FMN1: variants seen among roughly 807,000 people sequenced by gnomAD.
FMN1 encodes the protein formin 1.
A neutral mutation model predicts 132.4 loss-of-function variants in FMN1; 110 were observed. That is an observed-to-expected ratio of 0.83 (90% CI 0.71 to 0.97). The LOEUF (loss-of-function observed/expected upper bound fraction) is 0.97. Among genes scored for constraint, FMN1 ranks in the 50% least tolerant of loss-of-function variants. The pLI is 0.00. For missense variants in FMN1, 1,792 were observed against 1,705.3 expected (o/e 1.05, Z -0.90); for synonymous variants, 722 against 651.7 (o/e 1.11, Z -1.64).
intron 16 of FMN1, among the ~76,000 whole-genome samples, chr15:32,871,677 G>A (rs2059520201): frequency 6.6e-6 from 1 of 152,146 alleles, no homozygotes; most frequent in Admixed American, 6.5e-5. Flanking sequence ...AGGTAAAAAG[G>A]AAAAACCTTT....
intron 3 of FMN1, among the ~76,000 whole-genome samples, chr15:33,164,315 T>C (rs932275454): frequency 6.6e-6 from 1 of 152,230 alleles, no homozygotes; most frequent in African/African-American, 2.4e-5. Flanking sequence ...ATGATTTGAC[T>C]GTGAGACCAC....
rs931199412 is a variant in FMN1 at position 33,150,291 on chromosome 15, G to T, written c.1867+2757C>A. 8 of 985,310 alleles carry T rather than the reference G, an allele frequency of 8.1e-6. No homozygotes were observed. The Admixed American group carries it at 2.5e-4, about 30-fold the overall frequency. 61.0% of individuals were successfully genotyped at this position (985,310 alleles called of 1,614,324 possible). ...GCACAACTAGAGTTCCTCAAGGTTT[G>T]GGGGAAGACCATACTCCACAAAGGC... On this transcript the variant is annotated intron_variant, in intron 4 of 20. Coordinates refer to ENST00000616417, the MANE Select transcript of FMN1 (RefSeq NM_001277313.2).
intron 4 of FMN1, among the ~76,000 whole-genome samples, chr15:33,141,960 A>G (rs527550531): frequency 7.9e-5 from 12 of 152,202 alleles, no homozygotes; most frequent in African/African-American, 2.9e-4. Flanking sequence ...CATACACTAT[A>G]CCAACTTGCT....
rs1966171833 is a variant in FMN1 at position 33,193,917 on chromosome 15, A to G, written c.-205T>C. On this transcript the variant is annotated 5_prime_UTR_variant, in exon 2 of 21. Coordinates refer to ENST00000616417, the MANE Select transcript of FMN1 (RefSeq NM_001277313.2). ...GATCCGTCAGCACTTACATGCCTTTAGAGAATCTGCCTTTACAGAACTTGA... is the reference window on the plus strand; with the variant it reads ...GATCCGTCAGCACTTACATGCCTTTGGAGAATCTGCCTTTACAGAACTTGA... 1.3e-5 allele frequency: 2 copies of G among 152,052 alleles called. No homozygotes were observed. Among genetic ancestry groups the G allele is most frequent in the East Asian group, 3.9e-4 (2 of 5,162 alleles). The allele number at this position is 152,052 out of a possible 1,614,324, so 9.4% of individuals were successfully genotyped here.
intron 7 of FMN1, among the ~76,000 whole-genome samples, chr15:32,990,411 A>C (rs2167154): frequency 0.024 from 3,695 of 152,224 alleles, 142 homozygotes; most frequent in African/African-American, 0.079. Context: ...CAAAGAAAGA[A>C]AGACAGATAG....
intron 7 of FMN1, among the ~76,000 whole-genome samples, chr15:33,004,345 A>G (rs1340475843): frequency 6.6e-6 from 1 of 152,224 alleles, no homozygotes; most frequent in East Asian, 1.9e-4. Flanking sequence ...ACAAATTTAC[A>G]AGAAAAAAAC....
rs537596814 is a variant in FMN1, at chr15:32,947,902, TTCA to T, written c.3138+16202_3138+16204del. Among the ~76,000 whole-genome samples, 176 of 152,186 alleles carry T rather than the reference TTCA, an allele frequency of 1.2e-3. 1 individual carries two copies. The highest frequency in any genetic ancestry group is 2.1e-3 in the Non-Finnish European group (145 of 67,908). On this transcript the variant is annotated intron_variant, in intron 9 of 20. Coordinates refer to ENST00000616417, the MANE Select transcript of FMN1 (RefSeq NM_001277313.2). Reference sequence around the variant, plus strand: ...GATTTTCTATGCTGAAAAATCACAATTCATCGTTTCATTTCTTCCTTTCCAATA... The same window carrying T: ...GATTTTCTATGCTGAAAAATCACAATTCGTTTCATTTCTTCCTTTCCAATA...
intron 4 of FMN1, among the ~76,000 whole-genome samples, chr15:33,124,503 G>A (rs1359931315): frequency 2.0e-5 from 3 of 151,362 alleles, no homozygotes; most frequent in Admixed American, 6.6e-5. Context: ...ACTGAGCATT[G>A]GGATTGCTTT....
intron 5 of FMN1, chr15:33,066,880 C>G (rs375315420): frequency 1.9e-6 from 3 of 1,613,944 alleles, no homozygotes; most frequent in Admixed American, 1.7e-5. Context: ...GAGTGGCCTT[C>G]GGATCAGTTG....
At chr15:33,082,967 T>C (rs2038544092) in intron 5 of FMN1, among the ~76,000 whole-genome samples, 1 of 152,144 alleles carries the variant, frequency 6.6e-6, no homozygotes, top group Non-Finnish European at 1.5e-5. Flanking sequence ...TGACAGAGCT[T>C]TGGGTTCAGT....
At chr15:32,885,832 C>A (rs548809313) in intron 16 of FMN1, among the ~76,000 whole-genome samples, 1 of 151,384 alleles carries the variant, frequency 6.6e-6, no homozygotes, top group Non-Finnish European at 1.5e-5. Context: ...AAAGACTCTG[C>A]CTGCCTGGAG....
chr15:33,130,635 G>C (rs1595544282), intron 4 of FMN1, among the ~76,000 whole-genome samples: 1 of 152,152 alleles, frequency 6.6e-6, no homozygotes, highest in Non-Finnish European at 1.5e-5. Flanking sequence ...AAATCATTAA[G>C]TGATAATTTC....
chr15:33,048,035 A>C (rs1452413264), intron 6 of FMN1, among the ~76,000 whole-genome samples: 4 of 152,248 alleles, frequency 2.6e-5, no homozygotes, highest in Non-Finnish European at 4.4e-5. Context: ...TATTTTGAAA[A>C]AATTAAAAAC....
At chr15:32,851,804 A>C (rs949181658) in intron 17 of FMN1, among the ~76,000 whole-genome samples, 2 of 152,212 alleles carry the variant, frequency 1.3e-5, no homozygotes, top group Non-Finnish European at 2.9e-5. Context: ...AAGAAAAATT[A>C]AATCATCATG....
At chr15:33,041,390 TAAAAA>T (rs35105966) in intron 6 of FMN1, among the ~76,000 whole-genome samples, 2 of 121,884 alleles carry the variant, frequency 1.6e-5, no homozygotes, top group Non-Finnish European at 3.4e-5. Context: ...CCTCACCAGT[TAAAAA>T]AAAAAAAAAA....
chr15:32,984,998 A>G (rs2032972055), intron 7 of FMN1, among the ~76,000 whole-genome samples: 1 of 149,936 alleles, frequency 6.7e-6, no homozygotes, highest in African/African-American at 2.5e-5. Context: ...AAAAAAAAAA[A>G]AAGAAGGGCA....
intron 9 of FMN1, among the ~76,000 whole-genome samples, chr15:32,937,612 A>G (rs922144115): frequency 6.6e-6 from 1 of 152,186 alleles, no homozygotes; most frequent in Non-Finnish European, 1.5e-5. Context: ...ATCCATGGAT[A>G]GAGAGAGAAG....
At chr15:32,892,907 C>T (rs2060066191) in intron 15 of FMN1, among the ~76,000 whole-genome samples, 1 of 152,130 alleles carries the variant, frequency 6.6e-6, no homozygotes, top group Non-Finnish European at 1.5e-5. Flanking sequence ...CTCTAAACAC[C>T]TCAGAGGCAG....
At chr15:33,001,536 G>A (rs971701199) in intron 7 of FMN1, among the ~76,000 whole-genome samples, 6 of 148,514 alleles carry the variant, frequency 4.0e-5, no homozygotes, top group Non-Finnish European at 5.9e-5. Flanking sequence ...GTCCAAGTGC[G>A]TCCCCCCTCA....
Sources: gnomAD v4.1 joint callset for allele counts (sites outside exome capture counted in the v4.1 genomes callset) on GRCh38, gnomAD v4.1.1 for gene constraint, MANE v1.5 for transcripts, NCBI Gene and HGNC (gene_info 2026-07-23, HGNC 2026-07-21) for gene names.